PSMG2: variants seen among roughly 807,000 people sequenced by gnomAD.
The protein encoded by PSMG2 is CD40 ligand-activated specific transcript 3.
In PSMG2, 21 loss-of-function variants were observed where a neutral mutation model predicts 31.5. The observed-to-expected ratio is 0.67, with a 90% confidence interval of 0.47 to 0.96. PSMG2 has a LOEUF of 0.96. PSMG2 is among the 40% of genes least tolerant of loss of function. The pLI is 0.00. For missense variants in PSMG2, 318 were observed against 321.2 expected (o/e 0.99, Z 0.08); for synonymous variants, 120 against 110.4 (o/e 1.09, Z -0.54).
At chr18:12,702,320 C>A, upstream of PSMG2, 1 of 567,590 alleles carries the variant, frequency 1.8e-6, no homozygotes, top group Non-Finnish European at 3.1e-6. Flanking sequence ...GAGACGAGGA[C>A]GCTCTCCTGC....
intron 6 of PSMG2, 81 bp from the exon 7 acceptor site, chr18:12,725,358 A>G (rs1384769031): frequency 1.7e-6 from 2 of 1,148,724 alleles, no homozygotes; most frequent in Non-Finnish European, 2.5e-6. Context: ...AGGAACACAA[A>G]AGGAGAGTTT....
intron 1 of PSMG2, among the ~76,000 whole-genome samples, chr18:12,704,173 T>G (rs577392605): frequency 6.6e-6 from 1 of 152,290 alleles, no homozygotes; most frequent in East Asian, 1.9e-4. Flanking sequence ...GACATGTTAA[T>G]GATGGTCACC....
intron 1 of PSMG2, among the ~76,000 whole-genome samples, chr18:12,667,772 AAAAAAG>A (rs1250583449): frequency 1.7e-4 from 26 of 150,462 alleles, no homozygotes; most frequent in South Asian, 4.2e-4. Context: ...AAAAAAAAAA[AAAAAAG>A]AAAAGAAAAG....
rs374967479 is a variant in PSMG2 at position 12,659,031 on chromosome 18, G to GC, written c.-37+265dup. 98 of 157,868 alleles carry GC rather than the reference G, an allele frequency of 6.2e-4. 1 individual carries two copies. Among genetic ancestry groups the GC allele is most frequent in the African/African-American group, 1.8e-3 (75 of 41,500 alleles). The allele number at this position is 157,868 out of a possible 1,614,324, so 9.8% of individuals were successfully genotyped here. ...ATTAGCCGTAGAAAGAAAGAATTCC[G>GC]CCCCCCCAACCTATTAAATATGCAA... On this transcript the variant is annotated intron_variant, in intron 1 of 6. Transcript: ENST00000585331.
At chr18:12,693,662 A>G (rs1026542516) in intron 1 of PSMG2, among the ~76,000 whole-genome samples, 1 of 152,142 alleles carries the variant, frequency 6.6e-6, no homozygotes, top group Non-Finnish European at 1.5e-5. Context: ...ACCCACCTGT[A>G]GTCCCAGCTA....
At chr18:12,674,645 C>A in intron 1 of PSMG2, 1 of 1,613,914 alleles carries the variant, frequency 6.2e-7, no homozygotes, top group Non-Finnish European at 8.5e-7. Flanking sequence ...TCTTGAAATT[C>A]TTCATTGCCT....
intron 1 of PSMG2, among the ~76,000 whole-genome samples, chr18:12,669,082 A>C (rs2038874524): frequency 1.0e-5 from 1 of 97,192 alleles, no homozygotes; most frequent in Admixed American, 1.3e-4. Context: ...ACTGTTTCCC[A>C]AGCTGGAGTG....
intron 1 of PSMG2, among the ~76,000 whole-genome samples, chr18:12,694,579 C>T (rs917094726): frequency 6.6e-6 from 1 of 152,180 alleles, no homozygotes; most frequent in African/African-American, 2.4e-5. Context: ...GCACTTCTAC[C>T]CTGAGAGAAC....
At chr18:12,689,662 T>C (rs2039675294) in intron 1 of PSMG2, among the ~76,000 whole-genome samples, 1 of 152,138 alleles carries the variant, frequency 6.6e-6, no homozygotes, top group African/African-American at 2.4e-5. Flanking sequence ...TCCTGCCATT[T>C]CTCTGATTCA....
intron 1 of PSMG2, among the ~76,000 whole-genome samples, chr18:12,705,501 G>A (rs2145132036): frequency 6.6e-6 from 1 of 151,864 alleles, no homozygotes; most frequent in Admixed American, 6.6e-5. Flanking sequence ...GTTCTGGGAT[G>A]TAGGTAGGGA....
intron 1 of PSMG2, 146 bp downstream of exon 1, chr18:12,703,310 G>A: frequency 1.0e-6 from 1 of 979,326 alleles, no homozygotes; most frequent in Non-Finnish European, 1.5e-6. Context: ...CAGGGAGGTT[G>A]TAGCCGGAGG....
intron 1 of PSMG2, among the ~76,000 whole-genome samples, chr18:12,683,871 A>T (rs2145033667): frequency 6.6e-6 from 1 of 152,184 alleles, no homozygotes. Context: ...TATGAAATAA[A>T]TGATACATAT....
chr18:12,720,720 A>T (rs781709245), intron 5 of PSMG2, 37 bp downstream of exon 5: 2 of 1,582,356 alleles, frequency 1.3e-6, no homozygotes, highest in Non-Finnish European at 8.6e-7. Context: ...TTCCCACTTT[A>T]CTTAAAAATG....
chr18:12,668,202 T>C (rs1598606490), intron 1 of PSMG2, among the ~76,000 whole-genome samples: 3 of 151,210 alleles, frequency 2.0e-5, no homozygotes, highest in Admixed American at 1.3e-4. Flanking sequence ...GAGGTGGAGG[T>C]TGCATTGATC....
At chr18:12,672,537 T>C (rs1262343664) in intron 1 of PSMG2, 1 of 436,704 alleles carries the variant, frequency 2.3e-6, no homozygotes, top group Non-Finnish European at 3.0e-6. Flanking sequence ...ACATATATGC[T>C]GATTTTTTTA....
chr18:12,664,488 C>T lies in PSMG2; in HGVS notation c.-37+5715C>T, dbSNP rs566188054. Among the ~76,000 whole-genome samples, 355 of 151,646 alleles carry T rather than the reference C, an allele frequency of 2.3e-3. 3 individuals are homozygous for T. Among genetic ancestry groups the T allele is most frequent in the South Asian group, 0.014 (69 of 4,806 alleles). ...TTGCTTGAACCCGGGAGGCAGAGAT[C>T]GCAGTGAGCCAAGATCACGCCATTG... On this transcript the variant is annotated intron_variant, in intron 1 of 6. Coordinates refer to the PSMG2 transcript ENST00000585331.
rs143128448 is a variant in PSMG2, at chr18:12,703,524, G to A, written c.57+360G>A. Reference sequence around the variant, plus strand: ...ATTAGTCTTAAGCTAGCATATTATCGTTGTTAACCGGAGAACTACTGATAG... The same window carrying A: ...ATTAGTCTTAAGCTAGCATATTATCATTGTTAACCGGAGAACTACTGATAG... On this transcript the variant is annotated intron_variant, in intron 1 of 6. Transcript: ENST00000317615. 3.3e-5 allele frequency among the ~76,000 whole-genome samples: 5 copies of A among 152,260 alleles called. No homozygotes were observed. In the East Asian group the frequency reaches 9.6e-4, roughly 29 times the overall value.
At chr18:12,713,273 G>A (rs1478494485) in intron 3 of PSMG2, among the ~76,000 whole-genome samples, 1 of 152,126 alleles carries the variant, frequency 6.6e-6, no homozygotes, top group Non-Finnish European at 1.5e-5. Flanking sequence ...AAACCCTCCA[G>A]TGGCTTCTCC....
intron 1 of PSMG2, among the ~76,000 whole-genome samples, chr18:12,690,462 G>GTT (rs35616464): frequency 0.089 from 13,125 of 146,726 alleles, 790 homozygotes; most frequent in Non-Finnish European, 0.13. Context: ...ATTTTTTGTT[G>GTT]TTTTTTTTTT....
Sources: allele counts gnomAD v4.1 joint callset (sites outside exome capture counted in the v4.1 genomes callset), GRCh38; gene constraint gnomAD v4.1.1; transcripts MANE v1.5; gene names NCBI Gene and HGNC (gene_info 2026-07-23, HGNC 2026-07-21).